Variants in TBC1D8B observed in about 807,000 individuals in gnomAD.
The protein encoded by TBC1D8B is TBC1 domain family member 8B, also known as RP11-321G1.1.
In TBC1D8B, 75 loss-of-function variants were observed where a neutral mutation model predicts 82.9. The ratio of observed to expected loss-of-function variants is 0.90; its 90% CI spans 0.75 to 1.10. The LOEUF (loss-of-function observed/expected upper bound fraction) is 1.10, where lower values mean the gene tolerates loss of function less well. Among genes scored for constraint, TBC1D8B ranks in the 50% least tolerant of loss-of-function variants. The probability of loss-of-function intolerance (pLI) is 0.00; values close to 1 mark genes in which losing one functional copy is unlikely to be tolerated. For missense variants in TBC1D8B, 794 were observed against 796.9 expected (o/e 1.00, Z 0.04); for synonymous variants, 276 against 276.8 (o/e 1.00, Z 0.03).
chrX:106,820,315 C>A (rs1931660363), intron 2 of TBC1D8B, among the ~76,000 whole-genome samples: 4 of 111,062 alleles, frequency 3.6e-5, no homozygotes, highest in Non-Finnish European at 3.8e-5. Flanking sequence ...AATTTCTAAC[C>A]TCCTGTATGA....
At chrX:106,844,245 T>C (rs1932380518) in intron 10 of TBC1D8B, among the ~76,000 whole-genome samples, 1 of 109,598 alleles carries the variant, frequency 9.1e-6, no homozygotes, top group South Asian at 3.9e-4. Context: ...GGTACAATGT[T>C]GAATAGAAGT....
intron 10 of TBC1D8B, 111 bp downstream of exon 10, chrX:106,840,995 T>C (rs958468546): frequency 2.4e-5 from 14 of 592,950 alleles, no homozygotes; most frequent in Non-Finnish European, 3.5e-5. Flanking sequence ...GGGGGTGAGA[T>C]AGATAGAGCA....
chrX:106,852,949 A>G (rs1932621519), intron 12 of TBC1D8B, among the ~76,000 whole-genome samples: 1 of 109,910 alleles, frequency 9.1e-6, no homozygotes, highest in East Asian at 2.9e-4. Context: ...AGTTTTTTCC[A>G]ATTCTGTGAA....
chrX:106,807,210 C>G (rs922350948), intron 1 of TBC1D8B, among the ~76,000 whole-genome samples: 10 of 108,542 alleles, frequency 9.2e-5, no homozygotes, highest in African/African-American at 3.0e-4. Flanking sequence ...CCGCCCCCCC[C>G]CATACACACA....
intron 14 of TBC1D8B, among the ~76,000 whole-genome samples, 193 bp downstream of exon 14, chrX:106,854,489 C>T (rs1416222139): frequency 2.7e-5 from 3 of 110,875 alleles, no homozygotes; most frequent in African/African-American, 9.8e-5. Flanking sequence ...AATTATGTTG[C>T]TTTCTCCAAC....
chrX:106,825,153 A>G (rs995668478), intron 5 of TBC1D8B, among the ~76,000 whole-genome samples: 1 of 111,636 alleles, frequency 9.0e-6, no homozygotes, highest in Non-Finnish European at 1.9e-5. Context: ...TTTGAAAAAA[A>G]TACCATTTAA....
At chrX:106,813,094 G>A (rs1400856735) in intron 1 of TBC1D8B, among the ~76,000 whole-genome samples, 1 of 111,847 alleles carries the variant, frequency 8.9e-6, no homozygotes, top group Admixed American at 9.5e-5. Context: ...CTGACCTCAG[G>A]TGATTCACCC....
At chrX:106,826,873 T>A (rs946242073) in intron 6 of TBC1D8B, among the ~76,000 whole-genome samples, 1 of 111,255 alleles carries the variant, frequency 9.0e-6, no homozygotes, top group Non-Finnish European at 1.9e-5. Flanking sequence ...CAGAAAAAAA[T>A]AACATTGACA....
chrX:106,854,704 T>C (rs761230043), intron 14 of TBC1D8B, among the ~76,000 whole-genome samples: 1 of 109,931 alleles, frequency 9.1e-6, no homozygotes, highest in South Asian at 4.0e-4. Flanking sequence ...TTTTTAGAGA[T>C]AGGGTCTCAG....
At chrX:106,851,343 T>C (rs1436630177) in intron 12 of TBC1D8B, among the ~76,000 whole-genome samples, 1 of 112,062 alleles carries the variant, frequency 8.9e-6, no homozygotes, top group Non-Finnish European at 1.9e-5. Flanking sequence ...TGAGCCAAGA[T>C]TGTGCCATTG....
At chrX:106,852,906 G>A (rs1275571127) in intron 12 of TBC1D8B, among the ~76,000 whole-genome samples, 11 of 110,766 alleles carry the variant, frequency 9.9e-5, no homozygotes, top group Non-Finnish European at 2.1e-4. Flanking sequence ...TGGCGATGCG[G>A]GCTCTTTTTT....
intron 11 of TBC1D8B, 101 bp downstream of exon 11, chrX:106,848,404 A>G: frequency 2.0e-6 from 1 of 500,255 alleles, no homozygotes; most frequent in East Asian, 3.6e-5. Context: ...CTAATAAAGT[A>G]GAAGGACTGA....
At chrX:106,840,908 CTG>C in intron 10 of TBC1D8B, 24 bp downstream of exon 10, 1 of 1,155,372 alleles carries the variant, frequency 8.7e-7, no homozygotes, top group Non-Finnish European at 1.2e-6. Flanking sequence ...ATGAGCCCAA[CTG>C]TGTGTATGTT....
rs1932885947 is a variant in TBC1D8B at position 106,875,994 on chromosome X, A to G, written c.*2029A>G. The G allele has an allele frequency of 8.9e-6, 1 of 111,893 alleles. No homozygotes were observed. The highest frequency in any genetic ancestry group is 3.3e-5 in the African/African-American group (1 of 30,766). The allele number at this position is 111,893 out of a possible 1,213,427, so 9.2% of individuals were successfully genotyped here. A position where few individuals can be genotyped will look rare whatever the true frequency, so the allele number is the denominator to read the frequency against. ...TAAACATTATAGTTTTATAGCTGCT[A>G]TCTTGTTAACCAAACAGGTTGTTCA... is the stretch of plus-strand genomic sequence containing the variant. On this transcript the variant is annotated 3_prime_UTR_variant, in exon 21 of 21. Coordinates refer to ENST00000357242, the MANE Select transcript of TBC1D8B (RefSeq NM_017752.3).
chrX:106,815,700 G>T (rs1230482473), intron 1 of TBC1D8B: 1 of 110,866 alleles, frequency 9.0e-6, no homozygotes, highest in Non-Finnish European at 1.9e-5. Flanking sequence ...TCTTCCATTT[G>T]TTTGTATCCT....
chrX:106,863,466 CT>C (rs1377184445), intron 14 of TBC1D8B, among the ~76,000 whole-genome samples: 2 of 111,448 alleles, frequency 1.8e-5, no homozygotes, highest in Admixed American at 9.5e-5. Context: ...AGGTCTTATC[CT>C]TACTGGGTCG....
At chrX:106,817,569 A>T (rs1462107362) in intron 1 of TBC1D8B, among the ~76,000 whole-genome samples, 1 of 111,578 alleles carries the variant, frequency 9.0e-6, no homozygotes, top group Admixed American at 9.6e-5. Context: ...TGAAACAAAT[A>T]AGTTTCATGT....
Position 106,823,477 on chromosome X carries a change from C to T in TBC1D8B, c.827+11C>T. On this transcript the variant is annotated intron_variant, in intron 5 of 20. Transcript: ENST00000357242. ...ACAGATCACCAAAAGGTATTCAAAG[C>T]TTAATTTTTAGTTTTCAAAGTATTG... 1.7e-6 allele frequency: 2 copies of T among 1,196,665 alleles called. No individual in the cohort carries two copies. Among genetic ancestry groups the T allele is most frequent in the Non-Finnish European group, 2.3e-6 (2 of 886,871 alleles).
At chrX:106,824,419 A>T (rs752474078) in intron 5 of TBC1D8B, among the ~76,000 whole-genome samples, 5 of 111,218 alleles carry the variant, frequency 4.5e-5, no homozygotes, top group Non-Finnish European at 9.5e-5. Flanking sequence ...ATTGATATAC[A>T]TGAGGATTTG....
Sources: allele counts gnomAD v4.1 joint callset (sites outside exome capture counted in the v4.1 genomes callset), GRCh38; gene constraint gnomAD v4.1.1; transcripts MANE v1.5; gene names NCBI Gene and HGNC (gene_info 2026-07-23, HGNC 2026-07-21).